Variants in ACVRL1 observed in about 807,000 individuals in gnomAD.
The protein encoded by ACVRL1 is activin A receptor like type 1.
ACVRL1 carries 20 observed loss-of-function variants against 51.9 expected under a neutral mutation model. The observed-to-expected ratio is 0.39, with a 90% CI of 0.27 to 0.56. The LOEUF (loss-of-function observed/expected upper bound fraction) is 0.56. ACVRL1 is among the 20% of genes least tolerant of loss of function. The probability of loss-of-function intolerance (pLI) is 0.67; values close to 1 mark genes in which losing one functional copy is unlikely to be tolerated. For missense variants in ACVRL1, 451 were observed against 670.3 expected (o/e 0.67, Z 3.61); for synonymous variants, 288 against 280.9 (o/e 1.03, Z -0.25).
At chr12:51,919,143 C>T (rs747844851) in intron 9 of ACVRL1, 28 bp downstream of exon 9, 15 of 1,613,292 alleles carry the variant, frequency 9.3e-6, no homozygotes, top group African/African-American at 6.7e-5. Context: ...ACTAGGATGG[C>T]GTGGGGTGGT....
At position 51,912,472 on chromosome 12, in the gene ACVRL1, A is replaced by T; in HGVS notation, c.-3A>T. On this transcript the variant is annotated splice_region_variant and 5_prime_UTR_variant, in exon 2 of 10. Coordinates refer to ENST00000388922, the MANE Select transcript of ACVRL1 (RefSeq NM_000020.3). ...ACCTCTCTTGCTCCTCTCTGCAGGG[A>T]CCATGACCTTGGGCTCCCCCAGGAA... 6.2e-7 allele frequency: 1 copy of T among 1,614,068 alleles called. No individual in the cohort carries two copies. The highest frequency in any genetic ancestry group is 8.5e-7 in the Non-Finnish European group (1 of 1,179,976).
chr12:51,908,239 AG>A (rs2139054519), intron 1 of ACVRL1, among the ~76,000 whole-genome samples: 2 of 152,286 alleles, frequency 1.3e-5, no homozygotes, highest in African/African-American at 4.8e-5. Flanking sequence ...TCCAGGCCAA[AG>A]GGGATCCCAG....
intron 9 of ACVRL1, 31 bp from the exon 10 acceptor site, chr12:51,920,728 C>G: frequency 6.2e-7 from 1 of 1,612,076 alleles, no homozygotes; most frequent in Non-Finnish European, 8.5e-7. Context: ...TCTCTGCCTC[C>G]TCTCCTCTGC....
Position 51,921,015 on chromosome 12 carries a change from C to T in ACVRL1, c.*122C>T. ...GTGTGCTGGGGATGGGCAGCTGCGCCTGCCTGCTCGGCCCCCAGCCCACCC... is the reference window on the plus strand; with the variant it reads ...GTGTGCTGGGGATGGGCAGCTGCGCTTGCCTGCTCGGCCCCCAGCCCACCC... On this transcript the variant is annotated 3_prime_UTR_variant, in exon 10 of 10. Coordinates refer to ENST00000388922, the MANE Select transcript of ACVRL1 (RefSeq NM_000020.3). The T allele has an allele frequency of 8.0e-7, 1 of 1,247,612 alleles. No homozygotes were observed. The highest frequency in any genetic ancestry group is 1.3e-5 in the South Asian group (1 of 76,882). 77.3% of individuals were successfully genotyped at this position (1,247,612 alleles called of 1,614,324 possible).
chr12:51,910,945 ACC>A (rs2139058970), intron 1 of ACVRL1, among the ~76,000 whole-genome samples: 1 of 152,062 alleles, frequency 6.6e-6, no homozygotes, highest in East Asian at 1.9e-4. Context: ...AAGCCCCCCT[ACC>A]CCACCCCTAG....
Position 51,908,545 on chromosome 12 carries a change from C to A in ACVRL1, c.-6+850C>A, listed in dbSNP as rs1592219005. 2.0e-5 allele frequency among the ~76,000 whole-genome samples: 3 copies of A among 152,168 alleles called. No individual in the cohort carries two copies. The South Asian group carries it at 6.2e-4, about 32-fold the overall frequency. ...ATTTTTTCTCATGTAATCCTGGCCG[C>A]AACCTAGTGGAAGAGGGGTTACTAT... On this transcript the variant is annotated intron_variant, in intron 1 of 9. Transcript: ENST00000388922.
In ACVRL1 at chr12:51,916,029, C is replaced by G; in HGVS notation, c.1049-7C>G. On this transcript the variant is annotated splice_region_variant and splice_polypyrimidine_tract_variant and intron_variant, in intron 7 of 9. Transcript: ENST00000388922. ...AGGGGCAGGAGTGACAGGCCTCACCCCCACAGGCCTGGCTGTGATGCACTC... is the reference window on the plus strand; with the variant it reads ...AGGGGCAGGAGTGACAGGCCTCACCGCCACAGGCCTGGCTGTGATGCACTC... 1.2e-6 allele frequency: 2 copies of G among 1,610,832 alleles called. No homozygotes were observed. Among genetic ancestry groups the G allele is most frequent in the South Asian group, 1.1e-5 (1 of 90,866 alleles).
At chr12:51,916,376 C>A in intron 8 of ACVRL1, 143 bp downstream of exon 8, 1 of 819,262 alleles carries the variant, frequency 1.2e-6, no homozygotes, top group African/African-American at 1.7e-5. Context: ...CCAGCTGGTT[C>A]AGCTGAGTGA....
intron 6 of ACVRL1, 151 bp from the exon 7 acceptor site, chr12:51,915,074 C>G: frequency 3.4e-6 from 3 of 884,000 alleles, no homozygotes; most frequent in Non-Finnish European, 5.5e-6. Context: ...AGCTCTGTCT[C>G]TGACCTAAGC....
intron 1 of ACVRL1, among the ~76,000 whole-genome samples, chr12:51,910,366 A>C (rs749097759): frequency 3.3e-5 from 5 of 152,170 alleles, no homozygotes; most frequent in Non-Finnish European, 7.4e-5. Context: ...CGTTGTGCCC[A>C]CACAAACTGA....
chr12:51,916,244 A>G lies in ACVRL1; in HGVS notation c.1246+11A>G. 6.2e-7 allele frequency: 1 copy of G among 1,613,022 alleles called. No homozygotes were observed. Among genetic ancestry groups the G allele is most frequent in the Non-Finnish European group, 8.5e-7 (1 of 1,179,636 alleles). On this transcript the variant is annotated intron_variant, in intron 8 of 9. Coordinates refer to ENST00000388922, the MANE Select transcript of ACVRL1 (RefSeq NM_000020.3). Reference sequence around the variant, plus strand: ...GGACCATCGTGAATGGTGAGGGCCCACCCTACACAGGGTAGGGAAAGGGGA... The same window carrying G: ...GGACCATCGTGAATGGTGAGGGCCCGCCCTACACAGGGTAGGGAAAGGGGA...
chr12:51,914,153 G>A (rs1940769301), intron 5 of ACVRL1, 80 bp downstream of exon 5: 6 of 1,483,716 alleles, frequency 4.0e-6, no homozygotes, highest in Non-Finnish European at 5.6e-6. Context: ...TTGGCTACTG[G>A]AATCACAGGC....
In ACVRL1 at chr12:51,920,980, T is replaced by A; in HGVS notation, c.*87T>A. 6.9e-7 allele frequency: 1 copy of A among 1,450,628 alleles called. No individual in the cohort carries two copies. Among genetic ancestry groups the A allele is most frequent in the Non-Finnish European group, 9.4e-7 (1 of 1,067,760 alleles). The allele number at this position is 1,450,628 out of a possible 1,614,324, so 89.9% of individuals were successfully genotyped here. A position where few individuals can be genotyped will look rare whatever the true frequency, so the allele number is the denominator to read the frequency against. On this transcript the variant is annotated 3_prime_UTR_variant, in exon 10 of 10. Transcript: ENST00000388922. ...GTGCCCTATCTGGGTAGAGGTAGTG[T>A]GAGTGTGGTGTGTGCTGGGGATGGG...
chr12:51,913,871 C>T (rs908152912), intron 4 of ACVRL1, 101 bp downstream of exon 4: 4 of 1,565,000 alleles, frequency 2.6e-6, no homozygotes, highest in Admixed American at 1.8e-5. Flanking sequence ...GGGAGCTGGG[C>T]GAGTGAGGAG....
At chr12:51,916,709 C>T (rs1199583747) in intron 8 of ACVRL1, among the ~76,000 whole-genome samples, 1 of 152,226 alleles carries the variant, frequency 6.6e-6, no homozygotes, top group Admixed American at 6.5e-5. Context: ...TGCGATGGCT[C>T]ATGCCTGTAA....
chr12:51,919,582 C>G (rs966858907), intron 9 of ACVRL1, among the ~76,000 whole-genome samples: 1 of 152,058 alleles, frequency 6.6e-6, no homozygotes, highest in East Asian at 1.9e-4. Context: ...TTTGTAGAGA[C>G]AAGGTCTTTT....
At chr12:51,907,265 G>C (rs1940612197), upstream of ACVRL1, among the ~76,000 whole-genome samples, 1 of 152,060 alleles carries the variant, frequency 6.6e-6, no homozygotes, top group Non-Finnish European at 1.5e-5. This position sits in a 1 kb window ranked among gnomAD's most constrained non-coding sequence, Gnocchi z 4.5. Flanking sequence ...GCGGATGTGG[G>C]AGGCCCGGCC....
Position 51,921,392 on chromosome 12 carries a change from T to G in ACVRL1, c.*499T>G, listed in dbSNP as rs572632343. On this transcript the variant is annotated 3_prime_UTR_variant, in exon 10 of 10. Transcript: ENST00000388922. The stretch of plus-strand genomic sequence containing the variant: ...CAGAGAGCCAGGGCCCATCAGTTTC[T>G]CTCTGTGGATTTGTATCTCAGCTCC... 682 of 204,312 alleles carry G rather than the reference T, an allele frequency of 3.3e-3. 7 individuals are homozygous for G. Among genetic ancestry groups the G allele is most frequent in the African/African-American group, 0.014 (631 of 43,642 alleles). The allele number at this position is 204,312 out of a possible 1,614,324, so 12.7% of individuals were successfully genotyped here. A position where few individuals can be genotyped will look rare whatever the true frequency, so the allele number is the denominator to read the frequency against.
At chr12:51,909,532 T>C (rs1158821866) in intron 1 of ACVRL1, among the ~76,000 whole-genome samples, 4 of 152,078 alleles carry the variant, frequency 2.6e-5, no homozygotes, top group East Asian at 3.9e-4. Context: ...TGTCTTCATT[T>C]AAACAAATCT....
Sources: gnomAD v4.1 joint callset for allele counts (sites outside exome capture counted in the v4.1 genomes callset) on GRCh38, gnomAD v4.1.1 for gene constraint, Gnocchi (gnomAD v3.1) non-coding constraint, MANE v1.5 for transcripts, NCBI Gene and HGNC (gene_info 2026-07-23, HGNC 2026-07-21) for gene names.